The following SENP8 variants were observed in gnomAD, a reference collection of about 807,000 sequenced individuals.
SENP8 encodes the protein SUMO peptidase family member, NEDD8 specific.
A neutral mutation model predicts 14.4 loss-of-function variants in SENP8; 10 were observed. That is an observed-to-expected ratio of 0.69 (90% CI 0.43 to 1.18). The LOEUF (loss-of-function observed/expected upper bound fraction) is 1.18. Ranked by LOEUF, SENP8 falls within the 50% of genes most tolerant of loss-of-function variation. The pLI is 0.00. For missense variants in SENP8, 202 were observed against 249.4 expected, an observed-to-expected ratio of 0.81 and a Z score of 1.28; for synonymous variants, 94 against 95.5, an observed-to-expected ratio of 0.98 and a Z score of 0.09.
chr15:72,130,060 G>C (rs773099174), intron 1 of SENP8, among the ~76,000 whole-genome samples: 1 of 151,996 alleles, frequency 6.6e-6, no homozygotes, highest in Non-Finnish European at 1.5e-5. Flanking sequence ...CATTGTGGTA[G>C]GCACCTCTAA....
intron 1 of SENP8, among the ~76,000 whole-genome samples, chr15:72,122,695 C>G (rs564076565): frequency 6.6e-6 from 1 of 152,282 alleles, no homozygotes; most frequent in Non-Finnish European, 1.5e-5. Flanking sequence ...TAAGTTTATG[C>G]AGAACTTGAG....
At chr15:72,125,449 AT>A (rs563508092) in intron 1 of SENP8, among the ~76,000 whole-genome samples, 1,663 of 150,002 alleles carry the variant, frequency 0.011, 26 homozygotes, top group African/African-American at 0.038. Flanking sequence ...TTTTCTAACA[AT>A]TTTTTTTTTA....
intron 1 of SENP8, among the ~76,000 whole-genome samples, chr15:72,133,489 T>C (rs2081295671): frequency 6.6e-6 from 1 of 152,368 alleles, no homozygotes; most frequent in South Asian, 2.1e-4. Flanking sequence ...CAGCTCCACC[T>C]GTCCTTCAAG....
chr15:72,130,204 A>G (rs891826726), intron 1 of SENP8, among the ~76,000 whole-genome samples: 1 of 152,070 alleles, frequency 6.6e-6, no homozygotes, highest in Non-Finnish European at 1.5e-5. Flanking sequence ...AGAAAAAAGA[A>G]AAGTCAATTT....
At chr15:72,118,125 G>C (rs1351138952), upstream of SENP8, 1 of 380,850 alleles carries the variant, frequency 2.6e-6, no homozygotes, top group Admixed American at 4.6e-5. Context: ...GCGACTCCCC[G>C]GCTGCAGGCG....
Position 72,140,924 on chromosome 15 carries a change from G to A in SENP8, c.*662G>A, listed in dbSNP as rs2081375236. 6.0e-6 allele frequency: 1 copy of A among 167,110 alleles called. No individual in the cohort carries two copies. Among genetic ancestry groups the A allele is most frequent in the Admixed American group, 6.5e-5 (1 of 15,274 alleles). 10.4% of individuals were successfully genotyped at this position (167,110 alleles called of 1,614,324 possible). ...ATTCCTGGAATGCTTGAAGAAAGGG[G>A]AAATCTTGAGTAACCTCATTAAAAT... On this transcript the variant is annotated 3_prime_UTR_variant, in exon 2 of 2. Transcript: ENST00000340912.
At chr15:72,123,632 C>T (rs2081187340) in intron 1 of SENP8, among the ~76,000 whole-genome samples, 1 of 152,006 alleles carries the variant, frequency 6.6e-6, no homozygotes, top group Admixed American at 6.6e-5. Context: ...CCGCCACCTC[C>T]TGGGTTCAAG....
upstream of SENP8, chr15:72,118,250 A>G (rs1206227958): frequency 2.4e-5 from 8 of 327,792 alleles, no homozygotes; most frequent in African/African-American, 1.1e-4. Context: ...GCTTGCGCAG[A>G]CACGCCCCCT....
At chr15:72,118,181 C>T (rs1285877223), upstream of SENP8, 8 of 362,946 alleles carry the variant, frequency 2.2e-5, no homozygotes, top group East Asian at 4.0e-5. Flanking sequence ...ACTGCCAGCA[C>T]GGGTCGGCCC....
At position 72,140,351 on chromosome 15, in the gene SENP8, G is replaced by A; in HGVS notation, c.*89G>A. The A allele has an allele frequency of 1.1e-6, 1 of 900,276 alleles. No individual in the cohort carries two copies. Among genetic ancestry groups the A allele is most frequent in the African/African-American group, 1.7e-5 (1 of 60,370 alleles). 55.8% of individuals were successfully genotyped at this position (900,276 alleles called of 1,614,324 possible). A position where few individuals can be genotyped will look rare whatever the true frequency, so the allele number is the denominator to read the frequency against. On this transcript the variant is annotated 3_prime_UTR_variant, in exon 2 of 2. Coordinates refer to ENST00000340912, the MANE Select transcript of SENP8 (RefSeq NM_145204.4). The stretch of plus-strand genomic sequence containing the variant: ...GCTGCAATCTCAGTGCCTGAGGGAA[G>A]ATGCCTAGTAGAGGAAAGCTTAATA...
intron 1 of SENP8, among the ~76,000 whole-genome samples, chr15:72,129,734 T>G (rs1471797709): frequency 6.6e-6 from 1 of 150,632 alleles, no homozygotes; most frequent in Non-Finnish European, 1.5e-5. Flanking sequence ...TCCCAGCTAC[T>G]TAGGAGGCTA....
chr15:72,128,959 C>T (rs920863424), intron 1 of SENP8, among the ~76,000 whole-genome samples: 1 of 151,874 alleles, frequency 6.6e-6, no homozygotes, highest in African/African-American at 2.4e-5. Flanking sequence ...GGAATGCTTA[C>T]TGAATAATTA....
intron 1 of SENP8, among the ~76,000 whole-genome samples, chr15:72,123,362 T>C (rs1424294702): frequency 6.6e-6 from 1 of 152,168 alleles, no homozygotes. Context: ...TACACAGACG[T>C]CTTATTAATT....
chr15:72,134,734 C>G (rs1177866615), intron 1 of SENP8: 2 of 227,310 alleles, frequency 8.8e-6, no homozygotes, highest in Admixed American at 8.4e-5. Context: ...CATGTATATG[C>G]GAATCTATAA....
upstream of SENP8, among the ~76,000 whole-genome samples, chr15:72,116,234 T>C (rs952918844): frequency 5.9e-5 from 9 of 152,176 alleles, no homozygotes; most frequent in African/African-American, 1.9e-4. Flanking sequence ...GGCTTTTACG[T>C]CTAGTTATTA....
At chr15:72,114,433 T>C (rs570554355), upstream of SENP8, 5 of 151,966 alleles carry the variant, frequency 3.3e-5, no homozygotes, top group African/African-American at 7.3e-5. Context: ...TGAGGGAAAA[T>C]GTACAAGGCA....
chr15:72,130,650 A>G (rs1596649249), intron 1 of SENP8, among the ~76,000 whole-genome samples: 1 of 129,494 alleles, frequency 7.7e-6, no homozygotes, highest in Admixed American at 9.7e-5. Flanking sequence ...CGCAACCTCC[A>G]CCTCCCAGGT....
intron 1 of SENP8, among the ~76,000 whole-genome samples, chr15:72,136,313 T>C (rs2081327002): frequency 6.6e-6 from 1 of 152,238 alleles, no homozygotes; most frequent in South Asian, 2.1e-4. Context: ...ACATTGTGAA[T>C]GTTTACCTTT....
rs1189067823 is a variant in SENP8, at chr15:72,142,161, C to T, written c.*1899C>T. 1.3e-5 allele frequency: 2 copies of T among 151,908 alleles called. No individual in the cohort carries two copies. Among genetic ancestry groups the T allele is most frequent in the East Asian group, 1.9e-4 (1 of 5,194 alleles). The allele number at this position is 151,908 out of a possible 1,614,324, so 9.4% of individuals were successfully genotyped here. ...ATATATAGAAAAATATATATACACA[C>T]GTATAGACATGTATATGTAATCTAT... On this transcript the variant is annotated 3_prime_UTR_variant, in exon 2 of 2. Transcript: ENST00000340912.
Sources: allele counts gnomAD v4.1 joint callset (sites outside exome capture counted in the v4.1 genomes callset), GRCh38; gene constraint gnomAD v4.1.1; transcripts MANE v1.5; gene names NCBI Gene and HGNC (gene_info 2026-07-23, HGNC 2026-07-21).